WWOX: variants seen among roughly 807,000 people sequenced by gnomAD.
The protein encoded by WWOX is WW domain containing oxidoreductase.
A neutral mutation model predicts 46.2 loss-of-function variants in WWOX; 69 were observed. The ratio of observed to expected loss-of-function variants is 1.49; its 90% CI spans 1.23 to 1.82. The LOEUF is 1.82. Ranked by LOEUF, WWOX falls within the 40% of genes most tolerant of loss-of-function variation. WWOX has a pLI of 0.00. For synonymous variants in WWOX, 359 were observed against 202.6 expected (o/e 1.77, Z -6.56); for missense variants, 919 against 542.6 (o/e 1.69, Z -6.89).
intron 8 of WWOX, among the ~76,000 whole-genome samples, chr16:78,878,368 G>T (rs2044275295): frequency 1.3e-5 from 2 of 152,132 alleles, no homozygotes; most frequent in South Asian, 2.1e-4. Context: ...CCCTGTCATT[G>T]AGTAAAGTAA....
At chr16:78,793,108 T>G (rs1029773849) in intron 8 of WWOX, among the ~76,000 whole-genome samples, 1 of 152,222 alleles carries the variant, frequency 6.6e-6, no homozygotes, top group Non-Finnish European at 1.5e-5. Flanking sequence ...GCTCTCACTC[T>G]GTTGCTCAGG....
At chr16:78,480,228 C>G (rs968930774) in intron 8 of WWOX, among the ~76,000 whole-genome samples, 11 of 152,204 alleles carry the variant, frequency 7.2e-5, no homozygotes, top group Non-Finnish European at 1.0e-4. Flanking sequence ...TGGTTATTGG[C>G]TACCATATTG....
chr16:78,994,666 C>T (rs1023832090), intron 8 of WWOX, among the ~76,000 whole-genome samples: 1 of 152,092 alleles, frequency 6.6e-6, no homozygotes, highest in Non-Finnish European at 1.5e-5. Flanking sequence ...GAAGCCCAAT[C>T]GCGTCACACT....
At position 78,988,313 on chromosome 16, in the gene WWOX, C is replaced by T. The variant is rs201101326; in HGVS notation, c.1057-223295C>T. ...GAGCCAAGATCACGCTATTGCACTC[C>T]AGCCCAGGCAACAAGAGCAAAACTC... On this transcript the variant is annotated intron_variant, in intron 8 of 8. Coordinates refer to ENST00000566780, the MANE Select transcript of WWOX (RefSeq NM_016373.4). Among the ~76,000 whole-genome samples the T allele has an allele frequency of 4.6e-5, 7 of 150,934 alleles. No individual in the cohort carries two copies. The East Asian group carries it at 9.7e-4, about 21-fold the overall frequency.
rs1172913591 is a variant in WWOX at position 78,996,382 on chromosome 16, G to GC, written c.1057-215220dup. 2.7e-5 allele frequency: 20 copies of GC among 750,302 alleles called. 1 individual carries two copies. The East Asian group carries it at 1.0e-3, about 38-fold the overall frequency. 46.5% of individuals were successfully genotyped at this position (750,302 alleles called of 1,614,324 possible). ...GTGAGTGAATTCTGCACCCACCCCC[G>GC]CCCCCCAGCTTCCCCACCTGTAAAA... On this transcript the variant is annotated intron_variant, in intron 8 of 8. Transcript: ENST00000566780.
intron 8 of WWOX, among the ~76,000 whole-genome samples, chr16:78,616,853 C>T (rs1210920388): frequency 9.2e-5 from 14 of 152,086 alleles, no homozygotes; most frequent in Non-Finnish European, 1.6e-4. Flanking sequence ...TCCCAAAGTC[C>T]GCACTTCCTA....
chr16:78,727,788 CAG>C (rs2048871247), intron 8 of WWOX, among the ~76,000 whole-genome samples: 2 of 152,008 alleles, frequency 1.3e-5, no homozygotes, highest in Non-Finnish European at 2.9e-5. Context: ...GGTGGTGAGA[CAG>C]GGAATGGTAG....
intron 8 of WWOX, among the ~76,000 whole-genome samples, chr16:79,005,563 C>A (rs1250690051): frequency 6.6e-6 from 1 of 152,164 alleles, no homozygotes; most frequent in Non-Finnish European, 1.5e-5. Context: ...TAGGTATTTC[C>A]TGGCAACCTT....
At chr16:78,637,439 C>G (rs942101716) in intron 8 of WWOX, among the ~76,000 whole-genome samples, 1 of 128,408 alleles carries the variant, frequency 7.8e-6, no homozygotes, top group East Asian at 2.1e-4. Context: ...GAAACTCTGT[C>G]TCAAAAAAAA....
At chr16:79,184,363 A>G (rs1256901747) in intron 8 of WWOX, among the ~76,000 whole-genome samples, 1 of 152,212 alleles carries the variant, frequency 6.6e-6, no homozygotes, top group Admixed American at 6.5e-5. Flanking sequence ...GTGGCAATGC[A>G]TGTAGGAACA....
intron 6 of WWOX, among the ~76,000 whole-genome samples, chr16:78,393,348 A>G (rs921775526): frequency 1.4e-4 from 21 of 152,236 alleles, no homozygotes; most frequent in African/African-American, 4.6e-4. Context: ...GCTCTGTAAT[A>G]CTTTTTCTTC....
chr16:78,371,583 A>G (rs2151921887), intron 5 of WWOX, among the ~76,000 whole-genome samples: 1 of 152,254 alleles, frequency 6.6e-6, no homozygotes, highest in South Asian at 2.1e-4. Context: ...TGTTAAATCC[A>G]TCTTTTTGTT....
chr16:78,954,669 A>G (rs1206691355), intron 8 of WWOX, among the ~76,000 whole-genome samples: 1 of 152,214 alleles, frequency 6.6e-6, no homozygotes, highest in Non-Finnish European at 1.5e-5. Flanking sequence ...AAGCATAGGC[A>G]CATAAATAAA....
chr16:78,773,825 A>G (rs2050123919), intron 8 of WWOX, among the ~76,000 whole-genome samples: 1 of 152,216 alleles, frequency 6.6e-6, no homozygotes, highest in Admixed American at 6.5e-5. Context: ...TGAGTTCTGA[A>G]CAGGGAGCTT....
intron 8 of WWOX, among the ~76,000 whole-genome samples, chr16:78,932,653 C>G (rs2045648867): frequency 6.6e-6 from 1 of 152,222 alleles, no homozygotes; most frequent in Non-Finnish European, 1.5e-5. Context: ...GCTGCGGCCT[C>G]TGGGGTGAAT....
At chr16:78,540,305 T>A (rs1456636264) in intron 8 of WWOX, among the ~76,000 whole-genome samples, 1 of 152,088 alleles carries the variant, frequency 6.6e-6, no homozygotes, top group Non-Finnish European at 1.5e-5. Flanking sequence ...AGGGTTATCA[T>A]GTATCTCTTT....
At chr16:78,253,816 A>G (rs547368970) in intron 5 of WWOX, among the ~76,000 whole-genome samples, 11 of 152,346 alleles carry the variant, frequency 7.2e-5, no homozygotes, top group African/African-American at 2.6e-4. Flanking sequence ...TGTAGGAGCT[A>G]TGTCCTGGTG....
intron 8 of WWOX, among the ~76,000 whole-genome samples, chr16:78,572,476 C>G (rs1038482534): frequency 1.1e-4 from 16 of 151,634 alleles, no homozygotes; most frequent in African/African-American, 3.4e-4. Flanking sequence ...TGTCTGTGGT[C>G]TCAGGGGTCT....
intron 8 of WWOX, among the ~76,000 whole-genome samples, chr16:78,839,520 C>T (rs914323826): frequency 3.9e-5 from 6 of 152,256 alleles, no homozygotes; most frequent in Admixed American, 2.6e-4. Flanking sequence ...CTTTTTCTTT[C>T]CCCTTCCTCA....
Sources: gnomAD v4.1 joint callset for allele counts (sites outside exome capture counted in the v4.1 genomes callset) on GRCh38, gnomAD v4.1.1 for gene constraint, MANE v1.5 for transcripts, NCBI Gene and HGNC (gene_info 2026-07-23, HGNC 2026-07-21) for gene names.